ZNF215: variants seen among roughly 807,000 people sequenced by gnomAD.
ZNF215 encodes BWSCR2-associated zinc finger protein 2.
In ZNF215, 24 loss-of-function variants were observed where a neutral mutation model predicts 27.2. The ratio of observed to expected loss-of-function variants is 0.88; its 90% CI spans 0.64 to 1.24. The LOEUF is 1.24. ZNF215 is among the 50% of genes most tolerant of loss of function. The pLI is 0.00. For missense variants in ZNF215, 675 were observed against 605.7 expected (o/e 1.11, Z -1.20); for synonymous variants, 210 against 204.0 (o/e 1.03, Z -0.25).
At chr11:6,930,848 G>A (rs909623341) in intron 2 of ZNF215, among the ~76,000 whole-genome samples, 6 of 152,196 alleles carry the variant, frequency 3.9e-5, no homozygotes, top group Non-Finnish European at 5.9e-5. Flanking sequence ...TAGTACATCT[G>A]GGATAGAAAC....
intron 3 of ZNF215, 87 bp from the exon 4 acceptor site, chr11:6,941,484 T>A (rs937056514): frequency 9.9e-5 from 114 of 1,156,140 alleles, no homozygotes; most frequent in Non-Finnish European, 1.3e-4. Flanking sequence ...ATAATTCCTG[T>A]GAATATCATA....
In ZNF215 at chr11:6,927,793, C is replaced by T. The variant is rs1338659699; in HGVS notation, c.-194C>T. 1 of 152,250 alleles carries T rather than the reference C, an allele frequency of 6.6e-6. No individual in the cohort carries two copies. Among genetic ancestry groups the T allele is most frequent in the Non-Finnish European group, 1.5e-5 (1 of 68,042 alleles). 9.4% of individuals were successfully genotyped at this position (152,250 alleles called of 1,614,324 possible). ...CTGAACGTCTCTCCCTGTCCTAGCT[C>T]TGTAACTGTTTACAGTGAGTAATTC... On this transcript the variant is annotated 5_prime_UTR_variant, in exon 2 of 7. Coordinates refer to ENST00000278319, the MANE Select transcript of ZNF215 (RefSeq NM_013250.4).
chr11:6,976,596 G>C (rs555630591), intron 5 of ZNF215, among the ~76,000 whole-genome samples: 2 of 152,124 alleles, frequency 1.3e-5, no homozygotes, highest in South Asian at 4.1e-4. Flanking sequence ...TTTTGTTGTT[G>C]TTTTATTTAA....
chr11:6,930,506 C>T (rs558646216), intron 2 of ZNF215, among the ~76,000 whole-genome samples: 4 of 152,300 alleles, frequency 2.6e-5, no homozygotes, highest in Admixed American at 2.6e-4. Context: ...AGAAACCTGG[C>T]TCTTACCACT....
chr11:6,927,424 C>T (rs1198622782), intron 1 of ZNF215, among the ~76,000 whole-genome samples: 4 of 152,174 alleles, frequency 2.6e-5, no homozygotes, highest in African/African-American at 9.7e-5. Flanking sequence ...AAATAACCCT[C>T]TTCACAGACA....
intron 6 of ZNF215, among the ~76,000 whole-genome samples, chr11:6,946,210 G>A (rs140752273): frequency 1.6e-4 from 24 of 152,234 alleles, no homozygotes; most frequent in African/African-American, 5.8e-4. Context: ...ATACTTCTCA[G>A]CTCTATTATT....
intron 6 of ZNF215, among the ~76,000 whole-genome samples, chr11:6,949,854 T>G (rs1333260594): frequency 1.4e-5 from 2 of 141,572 alleles, no homozygotes; most frequent in Non-Finnish European, 3.3e-5. Flanking sequence ...TCTAGGGTTT[T>G]TATGGTTTCA....
intron 6 of ZNF215, among the ~76,000 whole-genome samples, chr11:6,951,601 G>A (rs1485545050): frequency 6.6e-6 from 1 of 152,132 alleles, no homozygotes; most frequent in Non-Finnish European, 1.5e-5. Flanking sequence ...ATTTTTTATT[G>A]AGTCTATCAG....
At chr11:6,979,590 A>G (rs955009501) in intron 5 of ZNF215, among the ~76,000 whole-genome samples, 8 of 152,024 alleles carry the variant, frequency 5.3e-5, no homozygotes, top group African/African-American at 1.4e-4. Flanking sequence ...CAGTGCTGTG[A>G]TTTCCACATA....
At chr11:6,931,438 T>C (rs1245580330) in intron 2 of ZNF215, among the ~76,000 whole-genome samples, 22 of 152,212 alleles carry the variant, frequency 1.4e-4, no homozygotes, top group Non-Finnish European at 1.5e-5. Context: ...TTTTTTGCCT[T>C]CTGAGTAAAT....
At chr11:6,947,479 C>T (rs1204356039) in intron 6 of ZNF215, among the ~76,000 whole-genome samples, 3 of 151,882 alleles carry the variant, frequency 2.0e-5, no homozygotes, top group Non-Finnish European at 2.9e-5. Flanking sequence ...AGTTGGAGGC[C>T]GCAGTGAGCT....
At chr11:6,943,486 A>C (rs1849700033) in intron 5 of ZNF215, 60 bp from the exon 6 acceptor site, 13 of 1,461,838 alleles carry the variant, frequency 8.9e-6, no homozygotes, top group African/African-American at 1.4e-5. Context: ...TCTCTATAAA[A>C]ATGTCTGAAG....
intron 6 of ZNF215, among the ~76,000 whole-genome samples, chr11:6,953,554 C>G (rs972062292): frequency 6.6e-6 from 1 of 152,232 alleles, no homozygotes; most frequent in African/African-American, 2.4e-5. Flanking sequence ...GCATTCTTCA[C>G]ATAGTTCTCG....
chr11:6,986,893 C>T (rs772200044), downstream of ZNF215, among the ~76,000 whole-genome samples: 1 of 151,920 alleles, frequency 6.6e-6, no homozygotes, highest in African/African-American at 2.4e-5. Flanking sequence ...ATCTGTTTCT[C>T]TGTTTCCCTG....
intron 4 of ZNF215, among the ~76,000 whole-genome samples, chr11:6,941,972 A>C (rs945440971): frequency 7.9e-5 from 12 of 152,220 alleles, no homozygotes; most frequent in Non-Finnish European, 7.3e-5. Flanking sequence ...CAAGAGTAGA[A>C]GAAACCTCAA....
chr11:6,975,140 A>G (rs982348597), intron 5 of ZNF215, among the ~76,000 whole-genome samples: 5 of 152,116 alleles, frequency 3.3e-5, no homozygotes, highest in African/African-American at 7.2e-5. Flanking sequence ...TTCTGCATCT[A>G]TTGAGATAAT....
intron 5 of ZNF215, among the ~76,000 whole-genome samples, chr11:6,977,882 C>T (rs1260895036): frequency 6.6e-6 from 1 of 151,984 alleles, no homozygotes; most frequent in African/African-American, 2.4e-5. Context: ...AATATATATA[C>T]TCAACACTGT....
chr11:6,931,318 A>C (rs1203532916), intron 2 of ZNF215, among the ~76,000 whole-genome samples: 1 of 152,214 alleles, frequency 6.6e-6, no homozygotes, highest in South Asian at 2.1e-4. Flanking sequence ...CTTTTGAGTC[A>C]GAGTGTTTCC....
chr11:6,974,296 T>A (rs1317331170), intron 5 of ZNF215, among the ~76,000 whole-genome samples: 14 of 152,028 alleles, frequency 9.2e-5, no homozygotes, highest in African/African-American at 2.2e-4. Context: ...TGGTTACTGT[T>A]GCCTTGTAGT....
Sources: allele counts gnomAD v4.1 joint callset (sites outside exome capture counted in the v4.1 genomes callset), GRCh38; gene constraint gnomAD v4.1.1; transcripts MANE v1.5; gene names NCBI Gene and HGNC (gene_info 2026-07-23, HGNC 2026-07-21).